ADAMTS20: variants seen among roughly 807,000 people sequenced by gnomAD.
ADAMTS20 encodes ADAM metallopeptidase with thrombospondin type 1 motif 20.
ADAMTS20 carries 225 observed loss-of-function variants against 260.1 expected under a neutral mutation model. That is an observed-to-expected ratio of 0.87 (90% CI 0.78 to 0.97). The LOEUF is 0.97. ADAMTS20 is among the 50% of genes least tolerant of loss of function. ADAMTS20 has a pLI of 0.00. For synonymous variants in ADAMTS20, 802 were observed against 769.5 expected (o/e 1.04, Z -0.70); for missense variants, 2,400 against 2,337.7 (o/e 1.03, Z -0.55).
Position 43,427,505 on chromosome 12 carries a change from C to A in ADAMTS20, c.3946-36G>T. On this transcript the variant is annotated intron_variant, in intron 26 of 38. Coordinates refer to ENST00000389420, the MANE Select transcript of ADAMTS20 (RefSeq NM_025003.5). The stretch of plus-strand genomic sequence containing the variant: ...TAAAACACAAAATATGCACAAACTG[C>A]GGATTCCACATAATGAATTTACATG... 2.6e-6 allele frequency: 4 copies of A among 1,540,246 alleles called. 1 individual carries two copies. In the South Asian group the frequency reaches 3.8e-5, roughly 14 times the overall value.
At chr12:43,545,570 A>T (rs1216984293) in intron 2 of ADAMTS20, among the ~76,000 whole-genome samples, 1 of 152,176 alleles carries the variant, frequency 6.6e-6, no homozygotes, top group Non-Finnish European at 1.5e-5. Flanking sequence ...GGCACTTTGA[A>T]ATCCATCACA....
intron 2 of ADAMTS20, among the ~76,000 whole-genome samples, chr12:43,542,138 G>A (rs1943384701): frequency 6.6e-6 from 1 of 152,150 alleles, no homozygotes; most frequent in African/African-American, 2.4e-5. Context: ...GGAAAGAATT[G>A]TCAAAGAAAT....
chr12:43,447,863 C>T (rs1385211302), intron 14 of ADAMTS20, among the ~76,000 whole-genome samples: 3 of 151,836 alleles, frequency 2.0e-5, no homozygotes, highest in Non-Finnish European at 4.4e-5. Flanking sequence ...AACTTGAGAC[C>T]CAAATAAGGA....
In ADAMTS20 at chr12:43,376,516, C is replaced by A; in HGVS notation, c.5125+8G>T. The A allele has an allele frequency of 6.2e-7, 1 of 1,606,946 alleles. No individual in the cohort carries two copies. Among genetic ancestry groups the A allele is most frequent in the Non-Finnish European group, 8.5e-7 (1 of 1,178,008 alleles). On this transcript the variant is annotated splice_region_variant and intron_variant, in intron 33 of 38. Coordinates refer to ENST00000389420, the MANE Select transcript of ADAMTS20 (RefSeq NM_025003.5). ...TTAGGTATTAGATTTTTGAAGTCTACTACTTACAGTCATTGGCATAACATT... is the reference window on the plus strand; with the variant it reads ...TTAGGTATTAGATTTTTGAAGTCTAATACTTACAGTCATTGGCATAACATT...
At chr12:43,401,790 G>C (rs949761887) in intron 28 of ADAMTS20, among the ~76,000 whole-genome samples, 1 of 147,718 alleles carries the variant, frequency 6.8e-6, no homozygotes, top group African/African-American at 2.5e-5. Context: ...TGTCTTAATA[G>C]CAAACCAAAC....
At chr12:43,410,176 G>T (rs534900268) in intron 28 of ADAMTS20, among the ~76,000 whole-genome samples, 3 of 152,164 alleles carry the variant, frequency 2.0e-5, no homozygotes, top group Admixed American at 2.0e-4. Context: ...CAAAAAAAGA[G>T]AAACATATGT....
At chr12:43,413,799 A>C (rs1375487915) in intron 28 of ADAMTS20, among the ~76,000 whole-genome samples, 2 of 152,160 alleles carry the variant, frequency 1.3e-5, no homozygotes, top group African/African-American at 4.8e-5. Flanking sequence ...ACAATAATGA[A>C]ACTTGATTGA....
intron 14 of ADAMTS20, among the ~76,000 whole-genome samples, chr12:43,449,969 A>C (rs1444414269): frequency 2.6e-5 from 4 of 152,182 alleles, no homozygotes; most frequent in African/African-American, 9.7e-5. Flanking sequence ...CTGTCATTTG[A>C]AAACCACTCT....
intron 4 of ADAMTS20, among the ~76,000 whole-genome samples, chr12:43,496,078 T>C (rs1383997911): frequency 6.6e-6 from 1 of 152,170 alleles, no homozygotes; most frequent in Non-Finnish European, 1.5e-5. Context: ...ACTTCTCTCC[T>C]TCCTAAAACT....
intron 3 of ADAMTS20, among the ~76,000 whole-genome samples, chr12:43,511,654 A>G (rs1942925963): frequency 2.0e-5 from 3 of 152,190 alleles, no homozygotes; most frequent in Admixed American, 1.3e-4. Flanking sequence ...TGTGATGTAC[A>G]ATAGGAACAA....
Position 43,543,509 on chromosome 12 carries a change from A to G in ADAMTS20, c.453+7400T>C, listed in dbSNP as rs78272727. ...GTATACTTGGCTGGTAGCTGAAGAT[A>G]ATTTATCTTTTTAATTCATATTTTT... is the stretch of plus-strand genomic sequence containing the variant. On this transcript the variant is annotated intron_variant, in intron 2 of 38. Coordinates refer to ENST00000389420, the MANE Select transcript of ADAMTS20 (RefSeq NM_025003.5). 2.6e-5 allele frequency among the ~76,000 whole-genome samples: 4 copies of G among 152,236 alleles called. No individual in the cohort carries two copies. In the East Asian group the frequency reaches 7.7e-4, roughly 29 times the overall value.
At chr12:43,423,566 A>C in intron 28 of ADAMTS20, 1 of 593,894 alleles carries the variant, frequency 1.7e-6, no homozygotes, top group East Asian at 2.8e-5. Context: ...AATTCCAAGA[A>C]AGTAATCCAC....
At chr12:43,462,768 G>A in intron 11 of ADAMTS20, 127 bp downstream of exon 11, 3 of 676,942 alleles carry the variant, frequency 4.4e-6, no homozygotes, top group South Asian at 1.9e-5. Context: ...AACAAACATG[G>A]CAATAACATT....
chr12:43,394,140 A>G (rs1379428851), intron 29 of ADAMTS20, among the ~76,000 whole-genome samples: 3 of 152,082 alleles, frequency 2.0e-5, no homozygotes, highest in Non-Finnish European at 4.4e-5. Flanking sequence ...CCAGCACCCT[A>G]ATGTTGTAGA....
intron 29 of ADAMTS20, among the ~76,000 whole-genome samples, chr12:43,384,978 G>T (rs1940440203): frequency 6.6e-6 from 1 of 152,120 alleles, no homozygotes; most frequent in Non-Finnish European, 1.5e-5. Context: ...TACCAAAAAT[G>T]GGATTGCTGG....
chr12:43,356,706 G>C (rs1214729466), intron 37 of ADAMTS20, 118 bp from the exon 38 acceptor site: 1 of 662,090 alleles, frequency 1.5e-6, no homozygotes. Flanking sequence ...TATTTGTGGA[G>C]AAGTAACTCT....
At chr12:43,429,856 T>C in intron 23 of ADAMTS20, 132 bp from the exon 24 acceptor site, 1 of 596,638 alleles carries the variant, frequency 1.7e-6, no homozygotes, top group South Asian at 2.7e-5. Flanking sequence ...TATGAATGTT[T>C]TCATTTTCAA....
intron 29 of ADAMTS20, among the ~76,000 whole-genome samples, chr12:43,397,292 T>C (rs1940723952): frequency 6.6e-6 from 1 of 152,168 alleles, no homozygotes. Context: ...CAAGTGAGCA[T>C]GGGTTAGGTT....
At chr12:43,420,800 C>CTTTTTTTTTTGTTTT (rs1941214414) in intron 28 of ADAMTS20, among the ~76,000 whole-genome samples, 1 of 55,494 alleles carries the variant, frequency 1.8e-5, no homozygotes, top group Non-Finnish European at 3.1e-5. Context: ...CCTCCTCCTT[C>CTTTTTTTTTTGTTTT]TTTTTTTTTT....
Sources: gnomAD v4.1 joint callset for allele counts (sites outside exome capture counted in the v4.1 genomes callset) on GRCh38, gnomAD v4.1.1 for gene constraint, MANE v1.5 for transcripts, NCBI Gene and HGNC (gene_info 2026-07-23, HGNC 2026-07-21) for gene names.